PTPRM: variants seen among roughly 807,000 people sequenced by gnomAD.
PTPRM encodes receptor-type tyrosine-protein phosphatase mu.
In PTPRM, 47 loss-of-function variants were observed where a neutral mutation model predicts 186.7. The ratio of observed to expected loss-of-function variants is 0.25; its 90% confidence interval spans 0.20 to 0.32. The LOEUF (loss-of-function observed/expected upper bound fraction) is 0.32, where lower values mean the gene tolerates loss of function less well. Ranked by LOEUF, PTPRM falls within the 10% of genes least tolerant of loss-of-function variation. The probability of loss-of-function intolerance (pLI) is 1.00; values close to 1 mark genes in which losing one functional copy is unlikely to be tolerated. For synonymous variants in PTPRM, 668 were observed against 674.9 expected (o/e 0.99, Z 0.16); for missense variants, 1,494 against 1,865.0 (o/e 0.80, Z 3.66).
intron 11 of PTPRM, among the ~76,000 whole-genome samples, chr18:8,090,388 A>C (rs35433641): frequency 6.6e-6 from 1 of 152,300 alleles, no homozygotes; most frequent in South Asian, 2.1e-4. Flanking sequence ...GATCATGTGA[A>C]TAGTTAGAGT....
At chr18:7,895,533 G>A (rs1015143343) in intron 3 of PTPRM, among the ~76,000 whole-genome samples, 10 of 152,142 alleles carry the variant, frequency 6.6e-5, no homozygotes, top group South Asian at 4.2e-4. Context: ...GTGAGGGTCC[G>A]TGCAGTTCTC....
At chr18:8,063,835 G>A (rs989135340) in intron 7 of PTPRM, among the ~76,000 whole-genome samples, 2 of 152,176 alleles carry the variant, frequency 1.3e-5, no homozygotes, top group African/African-American at 2.4e-5. Flanking sequence ...CCAGGGTCCA[G>A]TATGTATTCT....
At chr18:7,678,957 C>T (rs2039414518) in intron 1 of PTPRM, among the ~76,000 whole-genome samples, 1 of 152,176 alleles carries the variant, frequency 6.6e-6, no homozygotes. Flanking sequence ...AAACAGTCAT[C>T]ACCAGATGCT....
chr18:8,110,960 T>C (rs1438070298), intron 11 of PTPRM, among the ~76,000 whole-genome samples: 1 of 152,188 alleles, frequency 6.6e-6, no homozygotes, highest in East Asian at 1.9e-4. Flanking sequence ...ATCAGTGCCT[T>C]CACTGGACCT....
chr18:7,797,976 G>A (rs2043754567), intron 2 of PTPRM, among the ~76,000 whole-genome samples: 1 of 152,130 alleles, frequency 6.6e-6, no homozygotes. Context: ...TATTTTCATT[G>A]AAGCAGGGGA....
intron 14 of PTPRM, among the ~76,000 whole-genome samples, chr18:8,162,940 A>G (rs571351749): frequency 2.6e-5 from 4 of 152,244 alleles, no homozygotes; most frequent in African/African-American, 7.2e-5. Context: ...GCTTCTCCAA[A>G]CAAACACTGG....
chr18:8,348,727 G>A (rs2095518917), intron 23 of PTPRM, among the ~76,000 whole-genome samples: 1 of 152,168 alleles, frequency 6.6e-6, no homozygotes, highest in Admixed American at 6.5e-5. Flanking sequence ...ACTCCCAAAG[G>A]AGACTTTTTA....
chr18:7,808,246 T>C lies in PTPRM; in HGVS notation c.196+33975T>C, dbSNP rs73395433. Among the ~76,000 whole-genome samples, 1,037 of 152,286 alleles carry C rather than the reference T, an allele frequency of 6.8e-3. 16 individuals are homozygous for C. Among genetic ancestry groups the C allele is most frequent in the African/African-American group, 0.024 (979 of 41,570 alleles). The stretch of plus-strand genomic sequence containing the variant: ...CCGTGTTTTCTGGCACTCCCTTGGA[T>C]AATTAGAGCCATGTGATGAAGTGGT... On this transcript the variant is annotated intron_variant, in intron 2 of 32. Transcript: ENST00000580170.
intron 23 of PTPRM, among the ~76,000 whole-genome samples, chr18:8,358,859 C>CT (rs1321769381): frequency 6.6e-6 from 1 of 152,180 alleles, no homozygotes; most frequent in Non-Finnish European, 1.5e-5. Context: ...TGCAAAATAA[C>CT]TGAGTGCATA....
In PTPRM at chr18:7,890,123, G is replaced by C. The variant is rs146527018; in HGVS notation, c.468+1746G>C. Among the ~76,000 whole-genome samples, 7 of 152,276 alleles carry C rather than the reference G, an allele frequency of 4.6e-5. No homozygotes were observed. In the East Asian group the frequency reaches 1.3e-3, roughly 29 times the overall value. ...TCCACAGCATCTTTTAAAAATAACA[G>C]TATTGAAAATACTCAATTAATGGCC... On this transcript the variant is annotated intron_variant, in intron 3 of 32. Transcript: ENST00000580170.
intron 1 of PTPRM, among the ~76,000 whole-genome samples, chr18:7,571,873 A>G (rs1424582200): frequency 6.6e-6 from 1 of 152,216 alleles, no homozygotes; most frequent in African/African-American, 2.4e-5. Context: ...CAAGTCTTCT[A>G]TAAATCTGAA....
chr18:7,655,544 G>A (rs995750433), intron 1 of PTPRM, among the ~76,000 whole-genome samples: 2 of 152,192 alleles, frequency 1.3e-5, no homozygotes, highest in African/African-American at 4.8e-5. Flanking sequence ...CAGCAATTCT[G>A]CTCCTAAGTT....
intron 5 of PTPRM, among the ~76,000 whole-genome samples, chr18:7,941,797 A>G (rs1164502388): frequency 6.6e-6 from 1 of 152,208 alleles, no homozygotes; most frequent in African/African-American, 2.4e-5. Context: ...CCTTGTGTCC[A>G]CAGAGCTATC....
chr18:8,033,352 T>C (rs1302752470), intron 7 of PTPRM, among the ~76,000 whole-genome samples: 1 of 152,174 alleles, frequency 6.6e-6, no homozygotes, highest in Non-Finnish European at 1.5e-5. Flanking sequence ...GACTATACAC[T>C]ATATGTATAG....
intron 19 of PTPRM, among the ~76,000 whole-genome samples, chr18:8,282,182 C>A (rs575647274): frequency 6.6e-6 from 1 of 152,070 alleles, no homozygotes; most frequent in African/African-American, 2.4e-5. Flanking sequence ...GAAGTCAACA[C>A]GACCAGATGA....
chr18:8,004,199 A>G (rs542647360), intron 7 of PTPRM, among the ~76,000 whole-genome samples: 2 of 152,252 alleles, frequency 1.3e-5, no homozygotes, highest in East Asian at 3.9e-4. Flanking sequence ...TGAAAACCAA[A>G]CTGAAAGCAA....
intron 1 of PTPRM, among the ~76,000 whole-genome samples, chr18:7,571,066 G>A (rs2036554884): frequency 6.6e-6 from 1 of 151,826 alleles, no homozygotes; most frequent in South Asian, 2.1e-4. Flanking sequence ...AGCCTCCCGA[G>A]TAGCTGGAAC....
At chr18:7,766,280 A>G (rs1439225851) in intron 1 of PTPRM, among the ~76,000 whole-genome samples, 1 of 152,246 alleles carries the variant, frequency 6.6e-6, no homozygotes, top group Non-Finnish European at 1.5e-5. Context: ...GAGAGAAGCA[A>G]CATAGTAATT....
chr18:8,186,904 T>C (rs1027429577), intron 14 of PTPRM, among the ~76,000 whole-genome samples: 3 of 151,346 alleles, frequency 2.0e-5, no homozygotes, highest in Non-Finnish European at 4.4e-5. Context: ...AATAGAGAGA[T>C]TGACTTAGAG....
Sources: allele counts gnomAD v4.1 joint callset (sites outside exome capture counted in the v4.1 genomes callset), GRCh38; gene constraint gnomAD v4.1.1; transcripts MANE v1.5; gene names NCBI Gene and HGNC (gene_info 2026-07-23, HGNC 2026-07-21).